The following ZFHX3 variants were observed in gnomAD, a reference collection of about 807,000 sequenced individuals.
ZFHX3 encodes the protein zinc finger homeobox protein 3.
Under a neutral mutation model 279.1 loss-of-function variants are expected in ZFHX3, and 42 were observed. The observed-to-expected ratio is 0.15, with a 90% confidence interval of 0.12 to 0.19. The LOEUF is 0.19. Ranked by LOEUF, ZFHX3 falls within the 10% of genes least tolerant of loss-of-function variation. ZFHX3 has a pLI of 1.00. For synonymous variants in ZFHX3, 2,293 were observed against 1,957.8 expected, an observed-to-expected ratio of 1.17 and a Z score of -4.52; for missense variants, 4,981 against 4,754.0, an observed-to-expected ratio of 1.05 and a Z score of -1.40.
chr16:73,719,083 A>G (rs16972369), intron 1 of ZFHX3, among the ~76,000 whole-genome samples: 12,110 of 152,216 alleles, frequency 0.08, 767 homozygotes, highest in African/African-American at 0.17. Context: ...TGTACACTGG[A>G]TTCAAATCTC....
chr16:72,888,311 G>A (rs1369016809), intron 4 of ZFHX3, among the ~76,000 whole-genome samples: 1 of 152,190 alleles, frequency 6.6e-6, no homozygotes, highest in Non-Finnish European at 1.5e-5. Context: ...GAGTGGCCTT[G>A]GGTCTCTGGC....
chr16:73,834,116 T>A (rs1368485688), intron 1 of ZFHX3, among the ~76,000 whole-genome samples: 1 of 152,134 alleles, frequency 6.6e-6, no homozygotes, highest in East Asian at 1.9e-4. Flanking sequence ...AAGGTGAGCC[T>A]CTACGAGTTA....
At chr16:73,772,407 C>G (rs1390833516) in intron 1 of ZFHX3, among the ~76,000 whole-genome samples, 1 of 152,202 alleles carries the variant, frequency 6.6e-6, no homozygotes. Flanking sequence ...GTAAGACTTA[C>G]TTGCCATCAC....
chr16:73,324,858 C>G (rs886436741), intron 3 of ZFHX3, among the ~76,000 whole-genome samples: 1 of 152,172 alleles, frequency 6.6e-6, no homozygotes, highest in East Asian at 1.9e-4. Flanking sequence ...ATAATCGTGC[C>G]TCCTGAAGTT....
intron 1 of ZFHX3, among the ~76,000 whole-genome samples, chr16:73,852,026 A>G (rs183356757): frequency 1.3e-5 from 2 of 152,352 alleles, no homozygotes; most frequent in East Asian, 3.9e-4. Flanking sequence ...TGATTGCCCA[A>G]GGTTTCACTG....
chr16:73,335,914 C>G (rs1195147209), intron 3 of ZFHX3, among the ~76,000 whole-genome samples: 1 of 152,228 alleles, frequency 6.6e-6, no homozygotes, highest in Non-Finnish European at 1.5e-5. Context: ...CATGCCCTCA[C>G]CGTGTCTTGA....
intron 1 of ZFHX3, among the ~76,000 whole-genome samples, chr16:73,708,090 A>G (rs539990558): frequency 2.0e-5 from 3 of 151,208 alleles, no homozygotes; most frequent in East Asian, 2.0e-4. Flanking sequence ...GGGGGGGGGA[A>G]GTATTTACAA....
intron 3 of ZFHX3, among the ~76,000 whole-genome samples, chr16:73,364,892 C>T (rs938007791): frequency 2.0e-5 from 3 of 152,172 alleles, no homozygotes; most frequent in Non-Finnish European, 2.9e-5. Flanking sequence ...CCATTTCCCA[C>T]GGGTGAGCCA....
intron 1 of ZFHX3, among the ~76,000 whole-genome samples, chr16:73,785,876 A>AT (rs971037815): frequency 1.4e-3 from 207 of 147,466 alleles, no homozygotes; most frequent in East Asian, 9.7e-3. Flanking sequence ...ATCTTGAATG[A>AT]TTTTTTTTTT....
chr16:72,824,102 G>C (rs140774649), intron 5 of ZFHX3, among the ~76,000 whole-genome samples: 397 of 152,300 alleles, frequency 2.6e-3, no homozygotes, highest in Non-Finnish European at 4.2e-3. Flanking sequence ...ATTTGCACCA[G>C]GATGTGCCTG....
At chr16:73,638,218 T>C (rs1019304229) in intron 2 of ZFHX3, among the ~76,000 whole-genome samples, 2 of 152,248 alleles carry the variant, frequency 1.3e-5, no homozygotes, top group Non-Finnish European at 2.9e-5. Context: ...TGCTCAATGA[T>C]AGTTTAATTT....
chr16:73,756,032 G>T (rs1187867184), intron 1 of ZFHX3, among the ~76,000 whole-genome samples: 1 of 152,136 alleles, frequency 6.6e-6, no homozygotes, highest in Admixed American at 6.5e-5. Flanking sequence ...AATTAGATTG[G>T]CTTCTATTCC....
At chr16:72,923,732 TAGTAGATGA>T (rs72363825) in intron 3 of ZFHX3, among the ~76,000 whole-genome samples, 45,689 of 151,592 alleles carry the variant, frequency 0.3, 7,242 homozygotes, top group African/African-American at 0.37. Flanking sequence ...CTCTCCTTGG[TAGTAGATGA>T]AGTAGATGAA....
intron 1 of ZFHX3, among the ~76,000 whole-genome samples, chr16:73,698,854 A>G (rs1330066793): frequency 3.3e-5 from 4 of 122,748 alleles, no homozygotes; most frequent in Non-Finnish European, 6.8e-5. Flanking sequence ...CAATTCAAAT[A>G]CAGTTTTATT....
At chr16:73,612,813 G>A (rs2052260487) in intron 2 of ZFHX3, among the ~76,000 whole-genome samples, 1 of 152,028 alleles carries the variant, frequency 6.6e-6, no homozygotes, top group South Asian at 2.1e-4. Flanking sequence ...TGAAAGCAGA[G>A]AAACACACAC....
chr16:73,748,200 A>G (rs1168071750), intron 1 of ZFHX3, among the ~76,000 whole-genome samples: 3 of 152,200 alleles, frequency 2.0e-5, no homozygotes, highest in East Asian at 1.9e-4. Context: ...TGCAAAAATA[A>G]TAATATTTAT....
At chr16:73,439,427 C>T (rs1464026569) in intron 3 of ZFHX3, among the ~76,000 whole-genome samples, 9 of 152,062 alleles carry the variant, frequency 5.9e-5, no homozygotes, top group Non-Finnish European at 8.8e-5. Context: ...TTAGGAATCA[C>T]GGACATGGAA....
chr16:73,653,205 AAAG>A (rs756631349), intron 2 of ZFHX3, among the ~76,000 whole-genome samples: 60 of 152,328 alleles, frequency 3.9e-4, no homozygotes, highest in Admixed American at 1.1e-3. Flanking sequence ...CAATGAGAAT[AAAG>A]AAGATTTAAA....
At chr16:73,760,093 T>TA (rs1395923149) in intron 1 of ZFHX3, among the ~76,000 whole-genome samples, 4 of 150,356 alleles carry the variant, frequency 2.7e-5, no homozygotes, top group Non-Finnish European at 4.4e-5. Flanking sequence ...GTAGATACAA[T>TA]AAAAAATGAT....
Sources: allele counts gnomAD v4.1 joint callset (sites outside exome capture counted in the v4.1 genomes callset), GRCh38; gene constraint gnomAD v4.1.1; transcripts MANE v1.5; gene names NCBI Gene and HGNC (gene_info 2026-07-23, HGNC 2026-07-21).